The following SGSM3 variants were observed in gnomAD, a reference collection of about 807,000 sequenced individuals.
The protein encoded by SGSM3 is small G protein signaling modulator 3.
A neutral mutation model predicts 100.5 loss-of-function variants in SGSM3; 96 were observed. The ratio of observed to expected loss-of-function variants is 0.96; its 90% confidence interval spans 0.81 to 1.13. The LOEUF is 1.13. Ranked by LOEUF, SGSM3 falls within the 50% of genes most tolerant of loss-of-function variation. The pLI is 0.00. For missense variants in SGSM3, 1,001 were observed against 1,015.8 expected (o/e 0.99, Z 0.20); for synonymous variants, 483 against 422.8 (o/e 1.14, Z -1.75).
At position 40,409,973 on chromosome 22, in the gene SGSM3, CCA is replaced by C. The variant is rs1435257353; in HGVS notation, c.*217_*218del. Reference sequence around the variant, plus strand: ...GTCCTTAGGGATGCTCTAGGCCAAACCACAGTTTGTACCAAAAACCTTGTGAG... The same window carrying C: ...GTCCTTAGGGATGCTCTAGGCCAAACCAGTTTGTACCAAAAACCTTGTGAG... On this transcript the variant is annotated 3_prime_UTR_variant, in exon 22 of 22. Coordinates refer to ENST00000248929, the MANE Select transcript of SGSM3 (RefSeq NM_015705.6). 16 of 1,353,096 alleles carry C rather than the reference CCA, an allele frequency of 1.2e-5. No homozygotes were observed. Among genetic ancestry groups the C allele is most frequent in the East Asian group, 2.9e-5 (1 of 33,936 alleles). The allele number at this position is 1,353,096 out of a possible 1,614,324, so 83.8% of individuals were successfully genotyped here.
At position 40,388,798 on chromosome 22, in the gene SGSM3, G is replaced by T. The variant is rs2146870049; in HGVS notation, c.-111-11898G>T. Among the ~76,000 whole-genome samples the T allele has an allele frequency of 2.0e-5, 3 of 152,218 alleles. No homozygotes were observed. In the Middle Eastern group the frequency reaches 0.01, roughly 518 times the overall value. On this transcript the variant is annotated intron_variant, in intron 1 of 21. Transcript: ENST00000248929. Reference sequence around the variant, plus strand: ...TTTAGGAAAGGCCGAATAGTTGAGGGGTGAAGATGGAAAGGTGAAGAATCC... The same window carrying T: ...TTTAGGAAAGGCCGAATAGTTGAGGTGTGAAGATGGAAAGGTGAAGAATCC...
Position 40,408,820 on chromosome 22 carries a change from C to A in SGSM3, c.1880C>A (p.Thr627Asn). ...TTGGATGAAGATGGCAAAGTCCTGA[C>A]CCCGGAGGAGCTGCTCTACCGGGTA... ...FRLDEDGKVL[T>N]PEELLYRAVQ... The change falls in exon 18 of 22, where the codon ACC (threonine) becomes AAC (asparagine). Residue 627 changes from threonine to asparagine, a missense_variant. By Grantham distance (65) the Thr-to-Asn change is moderately conservative (BLOSUM62 0). Transcript: ENST00000248929. The A allele has an allele frequency of 6.2e-7, 1 of 1,613,794 alleles. No homozygotes were observed. Among genetic ancestry groups the A allele is most frequent in the Non-Finnish European group, 8.5e-7 (1 of 1,180,022 alleles).
intron 1 of SGSM3, chr22:40,387,525 A>G (rs2048673757): frequency 3.9e-6 from 1 of 253,718 alleles, no homozygotes; most frequent in South Asian, 1.7e-4. Context: ...CTTTCAATAT[A>G]AATGTCTCAG....
chr22:40,408,904 T>C (rs1262033665), intron 18 of SGSM3, 29 bp from the exon 19 acceptor site: 1 of 1,613,834 alleles, frequency 6.2e-7, no homozygotes, highest in Admixed American at 1.7e-5. Flanking sequence ...TGGGGGAGCC[T>C]GAGTGACAGC....
rs991323994 is a variant in SGSM3, at chr22:40,375,065, G to A, written c.-112+4377G>A. On this transcript the variant is annotated intron_variant, in intron 1 of 21. Transcript: ENST00000248929. ...ATTTATGCTCACCATTTATACATGAGGAGAGATACATTCACCTCTTTTCAG... is the reference window on the plus strand; with the variant it reads ...ATTTATGCTCACCATTTATACATGAAGAGAGATACATTCACCTCTTTTCAG... 2.0e-5 allele frequency among the ~76,000 whole-genome samples: 3 copies of A among 152,132 alleles called. 1 individual carries two copies. The highest frequency in any genetic ancestry group is 4.4e-5 in the Non-Finnish European group (3 of 68,040).
chr22:40,401,602 C>T lies in SGSM3; in HGVS notation c.17C>T (p.Thr6Ile), dbSNP rs1477765230. ...TCCTCTTTGGTTTTAGGAAGCCATACACCTGCCTGTGGCCCTTTCTCAGCC... is the reference window on the plus strand; with the variant it reads ...TCCTCTTTGGTTTTAGGAAGCCATATACCTGCCTGTGGCCCTTTCTCAGCC... MSGSH[T>I]PACGPFSALT... The change falls in exon 3 of 22, where the codon ACA (threonine) becomes ATA (isoleucine). Residue 6 changes from threonine to isoleucine, a missense_variant. Transcript: ENST00000248929. The T allele has an allele frequency of 2.5e-6, 4 of 1,612,672 alleles. No homozygotes were observed. Among genetic ancestry groups the T allele is most frequent in the South Asian group, 2.2e-5 (2 of 91,060 alleles).
At position 40,408,110 on chromosome 22, in the gene SGSM3, G is replaced by C. The variant is rs767839413; in HGVS notation, c.1619G>C (p.Arg540Pro). The change falls in exon 15 of 22, where the codon CGC becomes CCC. Residue 540 changes from arginine to proline, a missense_variant. By Grantham distance (103) the Arg-to-Pro change is moderately radical. Coordinates refer to ENST00000248929, the MANE Select transcript of SGSM3 (RefSeq NM_015705.6). ...PAKFVEVLDE[R>P]SKEYSIAGDD... ...AAGTTCGTGGAAGTCCTGGATGAGCGCAGCAAAGAGGTGAGGGGGGTGGGC... is the reference window on the plus strand; with the variant it reads ...AAGTTCGTGGAAGTCCTGGATGAGCCCAGCAAAGAGGTGAGGGGGGTGGGC... 1.2e-6 allele frequency: 2 copies of C among 1,607,680 alleles called. No homozygotes were observed. Among genetic ancestry groups the C allele is most frequent in the South Asian group, 2.2e-5 (2 of 90,908 alleles).
At chr22:40,404,932 G>A (rs1005071860) in intron 6 of SGSM3, among the ~76,000 whole-genome samples, 3 of 152,326 alleles carry the variant, frequency 2.0e-5, no homozygotes, top group East Asian at 1.9e-4. Context: ...CGGGCCACAC[G>A]TTTTCAGGTG....
intron 1 of SGSM3, among the ~76,000 whole-genome samples, chr22:40,394,897 T>G (rs2049852621): frequency 1.3e-5 from 2 of 152,206 alleles, no homozygotes. Context: ...TTGTTCTGTT[T>G]TCTTCATGGC....
intron 7 of SGSM3, 69 bp downstream of exon 7, chr22:40,405,353 C>T (rs2146982622): frequency 2.9e-6 from 4 of 1,377,344 alleles, no homozygotes; most frequent in Admixed American, 2.9e-5. Context: ...AAGGAGTGGC[C>T]TCCCGCTACG....
chr22:40,402,249 T>G, intron 4 of SGSM3, 44 bp downstream of exon 4: 1 of 1,450,748 alleles, frequency 6.9e-7, no homozygotes. Flanking sequence ...TGATGTTCTT[T>G]GGGGAGGACT....
In SGSM3 at chr22:40,408,513, CCA is replaced by C. The variant is rs1308198500; in HGVS notation, c.1782+87_1782+88del. The C allele has an allele frequency of 1.3e-5, 20 of 1,589,980 alleles. No individual in the cohort carries two copies. In the East Asian group the frequency reaches 4.5e-4, roughly 36 times the overall value. On this transcript the variant is annotated intron_variant, in intron 16 of 21. Transcript: ENST00000248929. Reference sequence around the variant, plus strand: ...GTACCCATCTTAGGTCCTTCCTGCCCCACAGAGAGGATGGGAAGAGCTGGCAG... The same window carrying C: ...GTACCCATCTTAGGTCCTTCCTGCCCCAGAGAGGATGGGAAGAGCTGGCAG...
intron 1 of SGSM3, among the ~76,000 whole-genome samples, chr22:40,395,555 C>CA: frequency 6.6e-6 from 1 of 152,262 alleles, no homozygotes; most frequent in South Asian, 2.1e-4. Context: ...CTCCTGACCT[C>CA]AGGTGATCTG....
At position 40,404,302 on chromosome 22, in the gene SGSM3, T is replaced by C. The variant is rs1310077689; in HGVS notation, c.213T>C (p.Ala71=). 1 of 1,559,306 alleles carries C rather than the reference T, an allele frequency of 6.4e-7. No homozygotes were observed. Among genetic ancestry groups the C allele is most frequent in the East Asian group, 2.3e-5 (1 of 44,360 alleles). ...CGAACTCCCCTCTGATGGAGGATGCTCCACAGAGGCTGCGGTGGCAGGCCC... is the reference window on the plus strand; with the variant it reads ...CGAACTCCCCTCTGATGGAGGATGCCCCACAGAGGCTGCGGTGGCAGGCCC... The part of the protein sequence containing the change: ...LLANSPLMED[A]PQRLRWQAHL... The change falls in exon 5 of 22, where the codon GCT becomes GCC. Residue 71 remains alanine (A), a synonymous_variant. Transcript: ENST00000248929.
In SGSM3 at chr22:40,407,533, G is replaced by A. The variant is rs368503526; in HGVS notation, c.1489G>A (p.Asp497Asn). 42 of 1,606,218 alleles carry A rather than the reference G, an allele frequency of 2.6e-5. No individual in the cohort carries two copies. Among genetic ancestry groups the A allele is most frequent in the Middle Eastern group, 1.7e-4 (1 of 6,058 alleles). ...ALLDFERHDD[D>N]ELGFRKNDII... ...GCTGGACTTTGAGCGGCACGACGAC[G>A]ACGAGCTGGGCTTCCGCAAGAACGA... The change falls in exon 13 of 22, where the codon GAC becomes AAC. Residue 497 changes from aspartate to asparagine, a missense_variant. By Grantham distance (23) the Asp-to-Asn change is conservative. Transcript: ENST00000248929. This position sits in a 1 kb window ranked among gnomAD's most constrained non-coding sequence, Gnocchi z 4.7.
chr22:40,379,876 A>T (rs1252250849), intron 1 of SGSM3, among the ~76,000 whole-genome samples: 2 of 151,920 alleles, frequency 1.3e-5, no homozygotes, highest in Non-Finnish European at 2.9e-5. Context: ...CGCCCAGCTA[A>T]TTTTTGTATT....
chr22:40,376,916 C>T (rs2046728582), intron 1 of SGSM3, among the ~76,000 whole-genome samples: 1 of 152,154 alleles, frequency 6.6e-6, no homozygotes, highest in African/African-American at 2.4e-5. Flanking sequence ...AAGCATTTTG[C>T]ACACATTTTC....
At chr22:40,371,020 G>T (rs1268800402) in intron 1 of SGSM3, among the ~76,000 whole-genome samples, 2 of 152,194 alleles carry the variant, frequency 1.3e-5, no homozygotes, top group Admixed American at 1.3e-4. Flanking sequence ...CGAAAACCGC[G>T]CCTGAGGCGG....
In SGSM3 at chr22:40,405,794, T is replaced by G. The variant is rs1015170395; in HGVS notation, c.764T>G (p.Ile255Ser). 1.2e-6 allele frequency: 2 copies of G among 1,613,598 alleles called. No individual in the cohort carries two copies. The highest frequency in any genetic ancestry group is 1.3e-5 in the African/African-American group (1 of 75,040). ...GACCAGCGGGTCCTGCGCCACCTCATTGTCCAGTACCTGCCTCGCCTGGAC... is the reference window on the plus strand; with the variant it reads ...GACCAGCGGGTCCTGCGCCACCTCAGTGTCCAGTACCTGCCTCGCCTGGAC... ...QTDQRVLRHL[I>S]VQYLPRLDKL... Residue 255 changes from isoleucine to serine, a missense_variant, in exon 8 of 22, where the codon ATT becomes AGT. Transcript: ENST00000248929.
Sources: allele counts gnomAD v4.1 joint callset (sites outside exome capture counted in the v4.1 genomes callset), GRCh38; gene constraint gnomAD v4.1.1; non-coding constraint Gnocchi (gnomAD v3.1); transcripts MANE v1.5; gene names NCBI Gene and HGNC (gene_info 2026-07-23, HGNC 2026-07-21).